Variants in ZNF285 observed in about 807,000 individuals in gnomAD.
The protein encoded by ZNF285 is zinc finger protein 285A.
Under a neutral mutation model 6.2 loss-of-function variants are expected in ZNF285, and 4 were observed. The ratio of observed to expected loss-of-function variants is 0.65; its 90% CI spans 0.32 to 1.49. The LOEUF (loss-of-function observed/expected upper bound fraction) is 1.49, where lower values mean the gene tolerates loss of function less well. Ranked by LOEUF, ZNF285 falls within the 40% of genes most tolerant of loss-of-function variation. The pLI is 0.07. For synonymous variants in ZNF285, 240 were observed against 245.8 expected (o/e 0.98, Z 0.22); for missense variants, 695 against 708.8 (o/e 0.98, Z 0.22).
At position 44,387,928 on chromosome 19, in the gene ZNF285, G is replaced by GAAAC; in HGVS notation, c.313_316dup (p.Ser106CysfsTer5). On this transcript the variant is annotated frameshift_variant, in exon 4 of 4. Transcript: ENST00000614994. LOFTEE classifies it low-confidence loss of function (END_TRUNC). The stretch of plus-strand genomic sequence containing the variant: ...AATGCCTGCCCACTCTTCACTGAGG[G>GAAAC]AAACATCTTCTAAATGTGGGGAACA... 1 of 1,614,026 alleles carries GAAAC rather than the reference G, an allele frequency of 6.2e-7. No homozygotes were observed. Among genetic ancestry groups the GAAAC allele is most frequent in the Non-Finnish European group, 8.5e-7 (1 of 1,179,950 alleles).
chr19:44,389,939 G>T (rs2722644), intron 3 of ZNF285, among the ~76,000 whole-genome samples: 41,034 of 152,100 alleles, frequency 0.27, 9,471 homozygotes, highest in African/African-American at 0.6. Flanking sequence ...GCTCAAATCC[G>T]AGTTCTTCTT....
At chr19:44,396,460 G>T (rs1971281851) in intron 2 of ZNF285, among the ~76,000 whole-genome samples, 1 of 152,176 alleles carries the variant, frequency 6.6e-6, no homozygotes, top group Non-Finnish European at 1.5e-5. Flanking sequence ...TTGCTATGAA[G>T]ATAATTTGTA....
At chr19:44,390,014 G>A (rs547372247) in intron 3 of ZNF285, among the ~76,000 whole-genome samples, 16 of 152,184 alleles carry the variant, frequency 1.1e-4, no homozygotes, top group African/African-American at 3.9e-4. Flanking sequence ...CATTGATATG[G>A]TTTGGCTGTG....
In ZNF285 at chr19:44,387,505, G is replaced by C; in HGVS notation, c.740C>G (p.Pro247Arg). The change falls in exon 4 of 4, where the codon CCT (proline) becomes CGT (arginine). Residue 247 changes from proline (P) to arginine (R), a missense_variant. Transcript: ENST00000614994. ...CGVAFADDTDPHVHHSTHLGE... is the reference protein window; with the variant it reads ...CGVAFADDTDRHVHHSTHLGE... ...TAGGTGAGTGCTGTGATGGACATGA[G>C]GATCTGTATCATCTGCAAAGGCCAC... 1.2e-6 allele frequency: 2 copies of C among 1,613,952 alleles called. No homozygotes were observed. The highest frequency in any genetic ancestry group is 1.7e-6 in the Non-Finnish European group (2 of 1,179,882).
chr19:44,400,170 T>G (rs1971352344), intron 1 of ZNF285, among the ~76,000 whole-genome samples: 1 of 148,996 alleles, frequency 6.7e-6, no homozygotes, highest in African/African-American at 2.6e-5. Context: ...AGACTCTTGT[T>G]TTTTCCCTAT....
In ZNF285 at chr19:44,384,711, G is replaced by A. The variant is rs1303461922; in HGVS notation, c.*1761C>T. The A allele has an allele frequency of 6.6e-6, 1 of 151,934 alleles. No individual in the cohort carries two copies. The highest frequency in any genetic ancestry group is 6.6e-5 in the Admixed American group (1 of 15,252). 9.4% of individuals were successfully genotyped at this position (151,934 alleles called of 1,614,324 possible). ...GGAAAAAAAAAACACCTTGTGGGAT[G>A]AGTGCAGTGGCCCAAACCTGTAATC... On this transcript the variant is annotated 3_prime_UTR_variant, in exon 4 of 4. Transcript: ENST00000614994.
At chr19:44,390,483 G>A (rs944677731) in intron 3 of ZNF285, among the ~76,000 whole-genome samples, 1 of 152,156 alleles carries the variant, frequency 6.6e-6, no homozygotes, top group African/African-American at 2.4e-5. Flanking sequence ...CACAATGCCT[G>A]TACCTGCACT....
chr19:44,397,671 G>C (rs1254803294), intron 1 of ZNF285, among the ~76,000 whole-genome samples: 1 of 152,106 alleles, frequency 6.6e-6, no homozygotes, highest in South Asian at 2.1e-4. Flanking sequence ...GATCACTTGA[G>C]GCCAGGAGTT....
intron 1 of ZNF285, among the ~76,000 whole-genome samples, chr19:44,397,775 T>A (rs977367354): frequency 4.6e-5 from 7 of 151,594 alleles, no homozygotes; most frequent in African/African-American, 1.5e-4. Context: ...TCCCAGCTAC[T>A]CAGGAGGCTG....
chr19:44,387,317 A>G lies in ZNF285; in HGVS notation c.928T>C (p.Ser310Pro), dbSNP rs781270913. The stretch of plus-strand genomic sequence containing the variant: ...CATTTGTAGGGTTTGTCTCCTGAGG[A>G]GACTTTCTGATATCTGGGAAGGTCT... The part of the protein sequence containing the change: ...SSDLPRYQKV[S>P]SGDKPYKCKE... The change falls in exon 4 of 4, where the codon TCC becomes CCC. Residue 310 changes from serine (S) to proline (P), a missense_variant. Coordinates refer to ENST00000614994, the MANE Select transcript of ZNF285 (RefSeq NM_152354.6). The G allele has an allele frequency of 4.3e-6, 7 of 1,614,098 alleles. No homozygotes were observed. Among genetic ancestry groups the G allele is most frequent in the East Asian group, 4.5e-5 (2 of 44,884 alleles).
At chr19:44,388,646 A>G (rs1415938505) in intron 3 of ZNF285, among the ~76,000 whole-genome samples, 2 of 151,528 alleles carry the variant, frequency 1.3e-5, no homozygotes, top group Non-Finnish European at 2.9e-5. Flanking sequence ...TCCCTGCTAT[A>G]AGAGTAGTCG....
At position 44,387,712 on chromosome 19, in the gene ZNF285, C is replaced by A; in HGVS notation, c.533G>T (p.Arg178Leu). 6.2e-7 allele frequency: 1 copy of A among 1,613,828 alleles called. No homozygotes were observed. The highest frequency in any genetic ancestry group is 1.1e-5 in the South Asian group (1 of 91,070). The change falls in exon 4 of 4, where the codon CGT becomes CTT. Residue 178 changes from arginine to leucine, a missense_variant. Coordinates refer to ENST00000614994, the MANE Select transcript of ZNF285 (RefSeq NM_152354.6). ...ACTGAGGCTGTCATCATGCTGAGCA[C>A]GTCTGTACAATTTCTCTTCCATGTA... ...GIYMEEKLYR[R>L]AQHDDSLSWT...
At position 44,382,992 on chromosome 19, in the gene ZNF285, C is replaced by T. The variant is rs1167359816; in HGVS notation, c.*3480G>A. On this transcript the variant is annotated 3_prime_UTR_variant, in exon 4 of 4. Coordinates refer to ENST00000614994, the MANE Select transcript of ZNF285 (RefSeq NM_152354.6). ...ATCCCAAAGGGAACTCCCAGAATTACCTTTGGACAATTCTGGTCATTGCAC... is the reference window on the plus strand; with the variant it reads ...ATCCCAAAGGGAACTCCCAGAATTATCTTTGGACAATTCTGGTCATTGCAC... 6.6e-6 allele frequency: 1 copy of T among 152,116 alleles called. No individual in the cohort carries two copies. Among genetic ancestry groups the T allele is most frequent in the East Asian group, 1.9e-4 (1 of 5,182 alleles). The allele number at this position is 152,116 out of a possible 1,614,324, so 9.4% of individuals were successfully genotyped here.
In ZNF285 at chr19:44,400,872, C is replaced by T. The variant is rs374311741; in HGVS notation, c.-44+696G>A. On this transcript the variant is annotated intron_variant, in intron 1 of 3. Coordinates refer to ENST00000614994, the MANE Select transcript of ZNF285 (RefSeq NM_152354.6). ...CTGGGATTACAGGCGTGAGGCACCG[C>T]GCCAGGCCTGGGACAGTTCTTTTCA... 3.9e-5 allele frequency among the ~76,000 whole-genome samples: 6 copies of T among 152,242 alleles called. No homozygotes were observed. The South Asian group carries it at 1.2e-3, about 32-fold the overall frequency.
chr19:44,387,726 C>A lies in ZNF285; in HGVS notation c.519G>T (p.Glu173Asp). 1 of 1,613,878 alleles carries A rather than the reference C, an allele frequency of 6.2e-7. No individual in the cohort carries two copies. The highest frequency in any genetic ancestry group is 8.5e-7 in the Non-Finnish European group (1 of 1,179,838). Reference sequence around the variant, plus strand: ...CATGCTGAGCACGTCTGTACAATTTCTCTTCCATGTAAATTCCCTTATATC... The same window carrying A: ...CATGCTGAGCACGTCTGTACAATTTATCTTCCATGTAAATTCCCTTATATC... ...QGRYKGIYME[E>D]KLYRRAQHDD... The change falls in exon 4 of 4, where the codon GAG becomes GAT. Residue 173 changes from glutamate to aspartate, a missense_variant. Glu to Asp is a conservative substitution (Grantham distance 45). Transcript: ENST00000614994.
chr19:44,387,624 G>T lies in ZNF285; in HGVS notation c.621C>A (p.Pro207=). The part of the protein sequence containing the change: ...ECKGEDPGRH[P]SCGKNLGMKS... ...TCATACCCAAGTTTTTCCCACAGCT[G>T]GGATGTCTACCAGGGTCCTCTCCTT... is the stretch of plus-strand genomic sequence containing the variant. The change falls in exon 4 of 4, where the codon CCC becomes CCA. Residue 207 remains proline, a synonymous_variant. Transcript: ENST00000614994. 1 of 1,613,836 alleles carries T rather than the reference G, an allele frequency of 6.2e-7. No homozygotes were observed. Among genetic ancestry groups the T allele is most frequent in the Non-Finnish European group, 8.5e-7 (1 of 1,179,838 alleles).
rs371379978 is a variant in ZNF285, at chr19:44,400,504, A to C, written c.-44+1064T>G. 4.2e-4 allele frequency among the ~76,000 whole-genome samples: 64 copies of C among 152,240 alleles called. 1 individual carries two copies. Among genetic ancestry groups the C allele is most frequent in the African/African-American group, 1.3e-3 (53 of 41,500 alleles). On this transcript the variant is annotated intron_variant, in intron 1 of 3. Coordinates refer to ENST00000614994, the MANE Select transcript of ZNF285 (RefSeq NM_152354.6). ...TATATTTGCTAATGTGCTTTATAAT[A>C]CTCAAAGTCCCTACTCCCTGGCTCA...
intron 1 of ZNF285, among the ~76,000 whole-genome samples, chr19:44,400,666 C>T (rs1008356604): frequency 2.0e-5 from 3 of 152,064 alleles, no homozygotes; most frequent in African/African-American, 4.8e-5. Flanking sequence ...GCTCCGCCTC[C>T]CGGGTTCACG....
At chr19:44,392,137 G>A in intron 3 of ZNF285, 2 of 1,414,504 alleles carry the variant, frequency 1.4e-6, no homozygotes, top group East Asian at 2.6e-5. Flanking sequence ...GAGATTTGGG[G>A]AGAGCTCCCT....
Sources: gnomAD v4.1 joint callset for allele counts (sites outside exome capture counted in the v4.1 genomes callset) on GRCh38, gnomAD v4.1.1 for gene constraint, MANE v1.5 for transcripts, NCBI Gene and HGNC (gene_info 2026-07-23, HGNC 2026-07-21) for gene names.